Variants in TRAK1 observed in about 807,000 individuals in gnomAD.
TRAK1 encodes trafficking kinesin protein 1, also known as trafficking kinesin-binding protein 1.
Under a neutral mutation model 92.1 loss-of-function variants are expected in TRAK1, and 33 were observed. The observed-to-expected ratio is 0.36, with a 90% CI of 0.27 to 0.48. TRAK1 has a LOEUF of 0.48. TRAK1 is among the 20% of genes least tolerant of loss of function. TRAK1 has a pLI of 0.99. For missense variants in TRAK1, 1,123 were observed against 1,257.9 expected (o/e 0.89, Z 1.62); for synonymous variants, 521 against 517.3 (o/e 1.01, Z -0.10).
chr3:42,199,247 A>G lies in TRAK1; in HGVS notation c.1184A>G (p.Asp395Gly), dbSNP rs1223517323. The change falls in exon 11 of 16, where the codon GAC (aspartate) becomes GGC (glycine). Residue 395 changes from aspartate to glycine, a missense_variant. Coordinates refer to ENST00000327628, the MANE Select transcript of TRAK1 (RefSeq NM_001042646.3). ...CAGTTGGAAGAGGCCGAGTCTCCAG[A>G]CATCACGTACGGCCACAGTTTTTAC... ...ELQLEEAESP[D>G]ITHQKRVFET... 2 of 1,613,948 alleles carry G rather than the reference A, an allele frequency of 1.2e-6. No individual in the cohort carries two copies. Among genetic ancestry groups the G allele is most frequent in the Non-Finnish European group, 1.7e-6 (2 of 1,180,030 alleles).
rs182472523 is a variant in TRAK1, at chr3:42,193,045, C to T, written c.770-30C>T. 2.0e-4 allele frequency: 316 copies of T among 1,611,632 alleles called. No homozygotes were observed. The African/African-American group carries it at 3.6e-3, about 18-fold the overall frequency. On this transcript the variant is annotated intron_variant, in intron 7 of 15. Transcript: ENST00000327628. ...GTCTGCATGTGTGGTTTTCTGACTTCCTCTCCTGATTGTTGCTTCTTTGTC... is the reference window on the plus strand; with the variant it reads ...GTCTGCATGTGTGGTTTTCTGACTTTCTCTCCTGATTGTTGCTTCTTTGTC...
chr3:42,163,523 G>A (rs1055661810), intron 2 of TRAK1, among the ~76,000 whole-genome samples: 5 of 151,416 alleles, frequency 3.3e-5, no homozygotes, highest in African/African-American at 7.3e-5. Context: ...AGCCAAGATC[G>A]CGCCACTGCA....
chr3:42,180,673 G>C (rs1308689465), intron 3 of TRAK1, among the ~76,000 whole-genome samples: 1 of 114,284 alleles, frequency 8.8e-6, no homozygotes, highest in Non-Finnish European at 1.7e-5. Context: ...AGTGAGACCT[G>C]TCTCAAAAAA....
chr3:42,222,253 G>T (rs1202868384), intron 15 of TRAK1, among the ~76,000 whole-genome samples: 1 of 152,054 alleles, frequency 6.6e-6, no homozygotes, highest in Non-Finnish European at 1.5e-5. Context: ...CTCTTCATAT[G>T]TGACATGTCT....
Position 42,132,860 on chromosome 3 carries a change from T to TTATTAACTC in TRAK1, c.286+7247_286+7255dup, listed in dbSNP as rs1270942830. On this transcript the variant is annotated intron_variant, in intron 2 of 15. Coordinates refer to ENST00000327628, the MANE Select transcript of TRAK1 (RefSeq NM_001042646.3). ...AGCCTCATGTACCCACATACTGAGA[T>TTATTAACTC]TATTAACTCATCCATTGCGGAAAGT... is the stretch of plus-strand genomic sequence containing the variant. 2.0e-5 allele frequency among the ~76,000 whole-genome samples: 3 copies of TTATTAACTC among 152,326 alleles called. No individual in the cohort carries two copies. The East Asian group carries it at 5.8e-4, about 29-fold the overall frequency.
At chr3:42,124,780 G>A (rs777261918) in intron 1 of TRAK1, among the ~76,000 whole-genome samples, 1 of 152,186 alleles carries the variant, frequency 6.6e-6, no homozygotes, top group Non-Finnish European at 1.5e-5. Flanking sequence ...TGCTTGGTGT[G>A]CTCAAAACAC....
At chr3:42,074,839 C>A (rs563075708) in intron 1 of TRAK1, among the ~76,000 whole-genome samples, 74 of 152,236 alleles carry the variant, frequency 4.9e-4, no homozygotes, top group Middle Eastern at 6.8e-3. Context: ...TCAATCCTCA[C>A]CCTCCTCCTA....
chr3:42,211,535 A>T, intron 14 of TRAK1: 1 of 985,468 alleles, frequency 1.0e-6, no homozygotes, highest in Non-Finnish European at 1.2e-6. Context: ...CAGAAACATG[A>T]TGCCTGGCTG....
rs78150448 is a variant in TRAK1 at position 42,098,335 on chromosome 3, C to T, written c.91+6775C>T. Among the ~76,000 whole-genome samples, 1,090 of 152,218 alleles carry T rather than the reference C, an allele frequency of 7.2e-3. 14 individuals are homozygous for T. The highest frequency in any genetic ancestry group is 0.025 in the African/African-American group (1,034 of 41,536). ...TACAGGCAGCAGGCACTTCACGGGT[C>T]GTACTGGGTTAATGTTCTTTTGTGC... On this transcript the variant is annotated intron_variant, in intron 1 of 15. Transcript: ENST00000327628.
intron 1 of TRAK1, among the ~76,000 whole-genome samples, chr3:42,027,350 C>T (rs1180170994): frequency 8.5e-5 from 13 of 152,086 alleles, no homozygotes; most frequent in Admixed American, 7.2e-4. Flanking sequence ...AGTGAAACCC[C>T]GTCTCTACTA....
intron 15 of TRAK1, among the ~76,000 whole-genome samples, chr3:42,221,313 A>G (rs1199225987): frequency 2.0e-5 from 3 of 152,010 alleles, no homozygotes. Flanking sequence ...TGTGGTTTCT[A>G]ATCATGCTTT....
chr3:42,149,442 C>A, intron 2 of TRAK1: 3 of 1,525,464 alleles, frequency 2.0e-6, no homozygotes, highest in Non-Finnish European at 1.8e-6. Flanking sequence ...ATTCTTCTGT[C>A]CAGTATTCTG....
intron 9 of TRAK1, among the ~76,000 whole-genome samples, chr3:42,194,245 CTCTCTTTT>C (rs1297297388): frequency 6.6e-6 from 1 of 152,064 alleles, no homozygotes; most frequent in Non-Finnish European, 1.5e-5. Flanking sequence ...CTTTTTCTTT[CTCTCTTTT>C]TCTCTTTTTG....
chr3:42,040,938 C>G (rs923398866), intron 1 of TRAK1, among the ~76,000 whole-genome samples: 2 of 152,144 alleles, frequency 1.3e-5, no homozygotes, highest in East Asian at 3.8e-4. Flanking sequence ...CTTGGCCTCT[C>G]AAAGTGCTGG....
At chr3:42,176,777 A>T (rs1003069487) in intron 2 of TRAK1, 37 bp from the exon 3 acceptor site, 1 of 1,586,834 alleles carries the variant, frequency 6.3e-7, no homozygotes, top group Non-Finnish European at 8.7e-7. Context: ...CAGGTTTGTG[A>T]CATTGGGAGT....
chr3:42,159,050 C>T (rs925247312), intron 2 of TRAK1, among the ~76,000 whole-genome samples: 2 of 151,422 alleles, frequency 1.3e-5, no homozygotes, highest in African/African-American at 4.9e-5. Context: ...TCTTTATTAT[C>T]TCTGGTTTTC....
intron 14 of TRAK1, among the ~76,000 whole-genome samples, chr3:42,213,592 G>A (rs964196888): frequency 3.3e-5 from 5 of 152,034 alleles, no homozygotes; most frequent in African/African-American, 9.7e-5. Flanking sequence ...CAGGCCAGCT[G>A]GGTGTTCCTG....
chr3:42,154,332 C>G (rs1168633247), intron 2 of TRAK1, among the ~76,000 whole-genome samples: 1 of 152,040 alleles, frequency 6.6e-6, no homozygotes, highest in African/African-American at 2.4e-5. Context: ...ATCACCATGC[C>G]TGGCTTATTT....
intron 1 of TRAK1, among the ~76,000 whole-genome samples, chr3:42,097,425 A>C (rs1706100159): frequency 6.6e-6 from 1 of 152,152 alleles, no homozygotes; most frequent in South Asian, 2.1e-4. Flanking sequence ...GTGGGCGCTC[A>C]CTGTCTGCAC....
Sources: gnomAD v4.1 joint callset for allele counts (sites outside exome capture counted in the v4.1 genomes callset) on GRCh38, gnomAD v4.1.1 for gene constraint, MANE v1.5 for transcripts, NCBI Gene and HGNC (gene_info 2026-07-23, HGNC 2026-07-21) for gene names.